The following CWC27 variants were observed in gnomAD, a reference collection of about 807,000 sequenced individuals.
CWC27 encodes CWC27 spliceosome associated cyclophilin.
Under a neutral mutation model 63.6 loss-of-function variants are expected in CWC27, and 47 were observed. That is an observed-to-expected ratio of 0.74 (90% CI 0.58 to 0.94). CWC27 has a LOEUF of 0.94. Among genes scored for constraint, CWC27 ranks in the 40% least tolerant of loss-of-function variants. The pLI is 0.00. For synonymous variants in CWC27, 175 were observed against 179.8 expected (o/e 0.97, Z 0.22); for missense variants, 495 against 554.3 (o/e 0.89, Z 1.07).
intron 11 of CWC27, among the ~76,000 whole-genome samples, chr5:64,969,955 CGGATGGTT>C (rs1462799489): frequency 6.6e-6 from 1 of 152,064 alleles, no homozygotes; most frequent in Non-Finnish European, 1.5e-5. Context: ...TGTGCAAAGG[CGGATGGTT>C]GGTCAAGAGA....
chr5:64,982,945 G>A (rs1478114043), intron 13 of CWC27, among the ~76,000 whole-genome samples: 5 of 152,068 alleles, frequency 3.3e-5, no homozygotes, highest in Non-Finnish European at 7.4e-5. Context: ...TCATAGGAGC[G>A]CAAACCCTGT....
chr5:64,817,718 A>T (rs80132093), intron 10 of CWC27, among the ~76,000 whole-genome samples: 198 of 152,230 alleles, frequency 1.3e-3, no homozygotes, highest in African/African-American at 4.5e-3. Context: ...TGTTAGTGAT[A>T]TTTGATCTCT....
chr5:64,788,308 C>T (rs1183888559), intron 6 of CWC27, among the ~76,000 whole-genome samples: 1 of 149,832 alleles, frequency 6.7e-6, no homozygotes, highest in Non-Finnish European at 1.5e-5. Flanking sequence ...TTGCTTGCTT[C>T]TAGGCTTTGG....
chr5:64,912,819 G>A (rs185455972), intron 11 of CWC27, among the ~76,000 whole-genome samples: 61 of 152,188 alleles, frequency 4.0e-4, no homozygotes, highest in Non-Finnish European at 7.1e-4. Flanking sequence ...TTTTGCTGTT[G>A]GAGAGCTCAA....
chr5:64,988,211 A>G (rs1325939488), intron 13 of CWC27, among the ~76,000 whole-genome samples: 1 of 152,134 alleles, frequency 6.6e-6, no homozygotes, highest in Non-Finnish European at 1.5e-5. Flanking sequence ...ATTTATTTCA[A>G]CAGTGTTTGC....
intron 13 of CWC27, among the ~76,000 whole-genome samples, chr5:64,987,713 A>C (rs897527948): frequency 1.3e-5 from 2 of 152,240 alleles, no homozygotes; most frequent in Non-Finnish European, 2.9e-5. Context: ...TGAATACAGA[A>C]TTATGGGTCA....
chr5:65,018,257 C>T lies in CWC27; in HGVS notation c.1355C>T (p.Pro452Leu), dbSNP rs1750085607. 1 of 1,605,504 alleles carries T rather than the reference C, an allele frequency of 6.2e-7. No individual in the cohort carries two copies. Among genetic ancestry groups the T allele is most frequent in the South Asian group, 1.1e-5 (1 of 89,500 alleles). Residue 452 changes from proline to leucine, a missense_variant, in exon 14 of 14, where the codon CCA becomes CTA. Physicochemically the swap from Pro to Leu is moderately conservative, Grantham distance 98 (BLOSUM62 -3). Coordinates refer to ENST00000381070, the MANE Select transcript of CWC27 (RefSeq NM_005869.4). ...DTFEIYDPRN[P>L]VNKRRREESK... ...TTTGAAATCTATGATCCTCGGAATCCAGTGAATAAAAGAAGGAGGGAAGAA... is the reference window on the plus strand; with the variant it reads ...TTTGAAATCTATGATCCTCGGAATCTAGTGAATAAAAGAAGGAGGGAAGAA...
chr5:64,796,311 A>G (rs940862432), intron 7 of CWC27, among the ~76,000 whole-genome samples: 1 of 152,106 alleles, frequency 6.6e-6, no homozygotes, highest in Non-Finnish European at 1.5e-5. Context: ...TATTTATAGG[A>G]ATTGGCTCTT....
intron 10 of CWC27, among the ~76,000 whole-genome samples, chr5:64,841,510 G>T (rs1745835319): frequency 6.6e-6 from 1 of 152,076 alleles, no homozygotes; most frequent in African/African-American, 2.4e-5. Context: ...TAGTTACCAA[G>T]CTAGAAATTT....
chr5:64,812,912 A>G (rs944905145), intron 10 of CWC27, among the ~76,000 whole-genome samples: 3 of 152,184 alleles, frequency 2.0e-5, no homozygotes, highest in Non-Finnish European at 2.9e-5. Flanking sequence ...TAGGCAGTAT[A>G]TATTTCAGGA....
At chr5:64,938,051 T>C (rs1327131170) in intron 11 of CWC27, among the ~76,000 whole-genome samples, 1 of 149,668 alleles carries the variant, frequency 6.7e-6, no homozygotes, top group Non-Finnish European at 1.5e-5. Flanking sequence ...GTCTTGACTC[T>C]TTATCCAATT....
chr5:64,909,702 TA>T (rs1419258028), intron 11 of CWC27, among the ~76,000 whole-genome samples: 1 of 152,230 alleles, frequency 6.6e-6, no homozygotes, highest in African/African-American at 2.4e-5. Context: ...CAGTCACTGA[TA>T]ACCTTTCTTC....
chr5:65,005,172 T>C (rs1003824144), intron 13 of CWC27, among the ~76,000 whole-genome samples: 1 of 148,134 alleles, frequency 6.8e-6, no homozygotes, highest in African/African-American at 2.5e-5. Context: ...CTCAAGTTCC[T>C]AGCTGGCATG....
At chr5:65,004,895 T>G (rs1472024269) in intron 13 of CWC27, among the ~76,000 whole-genome samples, 1 of 60,190 alleles carries the variant, frequency 1.7e-5, no homozygotes, top group African/African-American at 6.1e-5. Flanking sequence ...TATATATATA[T>G]ATATATATAT....
intron 11 of CWC27, among the ~76,000 whole-genome samples, chr5:64,907,861 A>G (rs972947212): frequency 1.3e-5 from 2 of 152,016 alleles, no homozygotes; most frequent in Non-Finnish European, 2.9e-5. Context: ...GATTTTTTGA[A>G]GGGTTTTTTG....
chr5:64,901,025 C>T (rs896675796), intron 11 of CWC27, among the ~76,000 whole-genome samples: 24 of 151,630 alleles, frequency 1.6e-4, no homozygotes, highest in African/African-American at 5.1e-4. Context: ...CATCAGCTAT[C>T]ATTAGTGTTA....
chr5:64,953,843 T>G (rs1748754375), intron 11 of CWC27, among the ~76,000 whole-genome samples: 1 of 152,182 alleles, frequency 6.6e-6, no homozygotes, highest in Non-Finnish European at 1.5e-5. Flanking sequence ...CTCACAGACA[T>G]TAAGCCTAAC....
chr5:64,786,699 T>G (rs1180058061), intron 6 of CWC27, 72 bp downstream of exon 6: 11 of 882,354 alleles, frequency 1.2e-5, no homozygotes, highest in Non-Finnish European at 1.7e-5. Flanking sequence ...TATATTTCCT[T>G]TTATAGTAAT....
intron 11 of CWC27, among the ~76,000 whole-genome samples, chr5:64,913,282 T>C (rs1161613457): frequency 6.6e-6 from 1 of 152,108 alleles, no homozygotes; most frequent in South Asian, 2.1e-4. Context: ...GCAAGTATTA[T>C]ACTTAATGGT....
Sources: allele counts gnomAD v4.1 joint callset (sites outside exome capture counted in the v4.1 genomes callset), GRCh38; gene constraint gnomAD v4.1.1; transcripts MANE v1.5; gene names NCBI Gene and HGNC (gene_info 2026-07-23, HGNC 2026-07-21).